The following TENM4 variants were observed in gnomAD, a reference collection of about 807,000 sequenced individuals.
The protein encoded by TENM4 is teneurin-4.
Under a neutral mutation model 243.3 loss-of-function variants are expected in TENM4, and 82 were observed. That is an observed-to-expected ratio of 0.34 (90% confidence interval 0.28 to 0.40). The LOEUF is 0.40. Ranked by LOEUF, TENM4 falls within the 10% of genes least tolerant of loss-of-function variation. TENM4 has a pLI of 1.00. For synonymous variants in TENM4, 1,412 were observed against 1,456.3 expected, an observed-to-expected ratio of 0.97 and a Z score of 0.69; for missense variants, 3,138 against 3,673.3, an observed-to-expected ratio of 0.85 and a Z score of 3.77.
intron 7 of TENM4, among the ~76,000 whole-genome samples, chr11:78,894,037 C>T (rs139739076): frequency 6.6e-6 from 1 of 152,262 alleles, no homozygotes; most frequent in East Asian, 1.9e-4. Flanking sequence ...GTAGCAGGCA[C>T]TCAATAAATA....
intron 18 of TENM4, among the ~76,000 whole-genome samples, chr11:78,760,229 C>A (rs990357337): frequency 1.3e-5 from 2 of 152,180 alleles, no homozygotes; most frequent in Non-Finnish European, 2.9e-5. Flanking sequence ...TCAGGCCTGT[C>A]CCACTAATCC....
chr11:79,407,053 G>A (rs965672988), intron 1 of TENM4, among the ~76,000 whole-genome samples: 2 of 152,092 alleles, frequency 1.3e-5, no homozygotes, highest in African/African-American at 4.8e-5. Flanking sequence ...CAGTGTATGG[G>A]GCCAATATTT....
At position 78,670,313 on chromosome 11, in the gene TENM4, A is replaced by G. The variant is rs1858289629; in HGVS notation, c.6032T>C (p.Ile2011Thr). 6.2e-7 allele frequency: 1 copy of G among 1,613,798 alleles called. No homozygotes were observed. The highest frequency in any genetic ancestry group is 8.5e-7 in the Non-Finnish European group (1 of 1,179,866). The change falls in exon 32 of 34, where the codon ATA (isoleucine) becomes ACA (threonine). Residue 2011 changes from isoleucine (I) to threonine (T), a missense_variant. By Grantham distance (89) the Ile-to-Thr change is moderately conservative. Coordinates refer to ENST00000278550, the MANE Select transcript of TENM4 (RefSeq NM_001098816.3). ...CTTTGACAGTTTGCCATACTTGTAT[A>G]TCACCCTGCGGCCAGTGCCCAGGTA... ...TFYLGTGRRV[I>T]YKYGKLSKLA...
intron 12 of TENM4, among the ~76,000 whole-genome samples, chr11:78,824,504 T>TG (rs1251957915): frequency 2.4e-5 from 1 of 42,348 alleles, no homozygotes; most frequent in African/African-American, 1.5e-4. Context: ...TCTTTCTTTC[T>TG]TTTTTTTTTT....
At chr11:78,831,763 T>C (rs548919525) in intron 12 of TENM4, among the ~76,000 whole-genome samples, 3 of 152,294 alleles carry the variant, frequency 2.0e-5, no homozygotes, top group East Asian at 3.9e-4. Flanking sequence ...CAAAGCAGCT[T>C]TATTTTAGGC....
At chr11:78,912,753 C>T (rs998469716) in intron 6 of TENM4, among the ~76,000 whole-genome samples, 1 of 152,176 alleles carries the variant, frequency 6.6e-6, no homozygotes, top group African/African-American at 2.4e-5. Context: ...GAGGTGTAAT[C>T]AACAATGCTC....
chr11:78,836,691 A>G (rs1053124291), intron 12 of TENM4, among the ~76,000 whole-genome samples: 4 of 152,192 alleles, frequency 2.6e-5, no homozygotes, highest in African/African-American at 9.7e-5. Context: ...GTGAATCCTC[A>G]GTAAGCCTTC....
intron 1 of TENM4, among the ~76,000 whole-genome samples, chr11:79,314,426 G>C (rs944516485): frequency 6.6e-6 from 1 of 152,202 alleles, no homozygotes; most frequent in African/African-American, 2.4e-5. Context: ...CTGTGGTGTT[G>C]AGTCTTGCTG....
chr11:78,854,451 G>A, intron 11 of TENM4, 137 bp from the exon 12 acceptor site: 2 of 707,034 alleles, frequency 2.8e-6, no homozygotes, highest in Non-Finnish European at 4.1e-6. Flanking sequence ...AAGGGTGCAG[G>A]AAGGTTGATC....
chr11:79,012,957 C>A, intron 6 of TENM4, among the ~76,000 whole-genome samples: 1 of 152,094 alleles, frequency 6.6e-6, no homozygotes, highest in East Asian at 1.9e-4. Flanking sequence ...GGATGGAAGA[C>A]CAAAGAGAGG....
intron 1 of TENM4, among the ~76,000 whole-genome samples, chr11:79,396,385 G>C (rs1184347446): frequency 6.6e-6 from 1 of 152,048 alleles, no homozygotes; most frequent in Admixed American, 6.5e-5. Flanking sequence ...CTTTATTATT[G>C]CAAGTCCCAG....
intron 2 of TENM4, among the ~76,000 whole-genome samples, chr11:79,258,174 G>A (rs930421992): frequency 6.6e-6 from 1 of 152,124 alleles, no homozygotes; most frequent in Admixed American, 6.5e-5. Flanking sequence ...AGATAAATAG[G>A]CCTCTCTATT....
intron 4 of TENM4, among the ~76,000 whole-genome samples, chr11:79,088,449 C>T (rs1860869587): frequency 6.6e-6 from 1 of 152,208 alleles, no homozygotes; most frequent in Non-Finnish European, 1.5e-5. Context: ...ATTGGCTCTG[C>T]AGTCAGGAAG....
At chr11:78,800,305 C>T (rs1857254351) in intron 15 of TENM4, among the ~76,000 whole-genome samples, 1 of 152,196 alleles carries the variant, frequency 6.6e-6, no homozygotes, top group East Asian at 1.9e-4. Flanking sequence ...AGCAGGCCTG[C>T]TCCCTAGGGA....
chr11:79,197,726 T>C (rs1031780933), intron 3 of TENM4, among the ~76,000 whole-genome samples: 12 of 152,192 alleles, frequency 7.9e-5, no homozygotes, highest in Non-Finnish European at 1.8e-4. Flanking sequence ...TTTGGAGCCA[T>C]TTAAAATGCA....
At chr11:78,814,505 G>T in intron 12 of TENM4, 110 bp from the exon 13 acceptor site, 1 of 817,410 alleles carries the variant, frequency 1.2e-6, no homozygotes. Context: ...AGCTCTTGTG[G>T]CCCCGTCACT....
intron 6 of TENM4, among the ~76,000 whole-genome samples, chr11:78,922,026 C>A (rs1375702727): frequency 6.6e-6 from 1 of 152,198 alleles, no homozygotes; most frequent in Admixed American, 6.5e-5. Context: ...ACTGCTGGCA[C>A]CCAGGCTGTA....
At chr11:79,100,838 T>C (rs1861212693) in intron 4 of TENM4, among the ~76,000 whole-genome samples, 1 of 152,134 alleles carries the variant, frequency 6.6e-6, no homozygotes, top group African/African-American at 2.4e-5. Flanking sequence ...GCAGGGGTGT[T>C]CTTAACCTTC....
At chr11:78,752,535 G>A (rs927240120) in intron 19 of TENM4, among the ~76,000 whole-genome samples, 5 of 152,222 alleles carry the variant, frequency 3.3e-5, no homozygotes, top group Non-Finnish European at 7.3e-5. Flanking sequence ...GGTTCTGGGT[G>A]ACAACCTGCT....
Sources: gnomAD v4.1 joint callset for allele counts (sites outside exome capture counted in the v4.1 genomes callset) on GRCh38, gnomAD v4.1.1 for gene constraint, MANE v1.5 for transcripts, NCBI Gene and HGNC (gene_info 2026-07-23, HGNC 2026-07-21) for gene names.